The following SESTD1 variants were observed in gnomAD, a reference collection of about 807,000 sequenced individuals.
SESTD1 encodes SEC14 and spectrin domain containing 1.
A neutral mutation model predicts 101.7 loss-of-function variants in SESTD1; 43 were observed. The observed-to-expected ratio is 0.42, with a 90% CI of 0.33 to 0.55. The LOEUF is 0.55. Among genes scored for constraint, SESTD1 ranks in the 20% least tolerant of loss-of-function variants. The probability of loss-of-function intolerance (pLI) is 0.07; values close to 1 mark genes in which losing one functional copy is unlikely to be tolerated. For missense variants in SESTD1, 647 were observed against 815.1 expected (o/e 0.79, Z 2.51); for synonymous variants, 283 against 286.8 (o/e 0.99, Z 0.13).
intron 1 of SESTD1, among the ~76,000 whole-genome samples, chr2:179,251,803 T>C (rs1275394378): frequency 1.3e-5 from 2 of 152,158 alleles, no homozygotes; most frequent in African/African-American, 4.8e-5. Context: ...AGCAAGAAGA[T>C]GGTCAACTAC....
In SESTD1 at chr2:179,206,311, C is replaced by T. The variant is rs756780485; in HGVS notation, c.-25-14445G>A. On this transcript the variant is annotated intron_variant, in intron 1 of 17. Transcript: ENST00000428443. ...GCTTGCTGCTGCAAACACCACAAAACAGCTAAAAAACTGTGAATCAATGAA... is the reference window on the plus strand; with the variant it reads ...GCTTGCTGCTGCAAACACCACAAAATAGCTAAAAAACTGTGAATCAATGAA... Among the ~76,000 whole-genome samples, 13 of 134,518 alleles carry T rather than the reference C, an allele frequency of 9.7e-5. 4 individuals carry two copies. Among genetic ancestry groups the T allele is most frequent in the South Asian group, 5.6e-4 (2 of 3,550 alleles). 88.2% of individuals were successfully genotyped at this position (134,518 alleles called of 152,430 possible). A position where few individuals can be genotyped will look rare whatever the true frequency, so the allele number is the denominator to read the frequency against.
chr2:179,123,918 T>C, intron 11 of SESTD1, 89 bp from the exon 12 acceptor site: 1 of 907,670 alleles, frequency 1.1e-6, no homozygotes, highest in East Asian at 2.5e-5. Flanking sequence ...CTAATGAGGT[T>C]ATCACAATTA....
intron 5 of SESTD1, among the ~76,000 whole-genome samples, chr2:179,168,515 G>A (rs2105470551): frequency 6.6e-6 from 1 of 151,796 alleles, no homozygotes; most frequent in African/African-American, 2.4e-5. Context: ...CATGATTAAA[G>A]TGCTGAAAGA....
rs7599091 is a variant in SESTD1 at position 179,120,287 on chromosome 2, C to T, written c.1442+1483G>A. On this transcript the variant is annotated intron_variant, in intron 13 of 17. Transcript: ENST00000428443. Reference sequence around the variant, plus strand: ...TCTCAGGTAGTTTTTTATAGCAATGCAAGAATGGACTAATACACTAGATTT... The same window carrying T: ...TCTCAGGTAGTTTTTTATAGCAATGTAAGAATGGACTAATACACTAGATTT... 5.3e-3 allele frequency among the ~76,000 whole-genome samples: 809 copies of T among 151,996 alleles called. 8 individuals are homozygous for T. The highest frequency in any genetic ancestry group is 0.018 in the African/African-American group (763 of 41,458).
chr2:179,194,346 AT>A (rs954473863), intron 1 of SESTD1, among the ~76,000 whole-genome samples: 3 of 152,064 alleles, frequency 2.0e-5, no homozygotes, highest in Non-Finnish European at 4.4e-5. Flanking sequence ...GCAAATGGGG[AT>A]CTAGGAACCA....
chr2:179,232,721 T>C (rs1173519028), intron 1 of SESTD1, among the ~76,000 whole-genome samples: 4 of 152,174 alleles, frequency 2.6e-5, no homozygotes, highest in Non-Finnish European at 4.4e-5. Flanking sequence ...TTATAAAATA[T>C]AGATATCCAG....
chr2:179,261,283 A>C (rs1281219894), intron 1 of SESTD1, among the ~76,000 whole-genome samples: 1 of 152,028 alleles, frequency 6.6e-6, no homozygotes, highest in Non-Finnish European at 1.5e-5. Context: ...GATTTTTTTT[A>C]TTTTTCCCTC....
At chr2:179,146,710 CATA>C (rs1393135571) in intron 7 of SESTD1, among the ~76,000 whole-genome samples, 4 of 152,036 alleles carry the variant, frequency 2.6e-5, no homozygotes, top group Non-Finnish European at 1.5e-5. Flanking sequence ...TGTTTTTAGT[CATA>C]ATATTATTTC....
At chr2:179,234,058 CT>C (rs2047024667) in intron 1 of SESTD1, among the ~76,000 whole-genome samples, 1 of 152,130 alleles carries the variant, frequency 6.6e-6, no homozygotes, top group African/African-American at 2.4e-5. Context: ...TCAGTTTGCC[CT>C]CCGTAATGCA....
At chr2:179,116,944 C>A (rs2044646494) in intron 14 of SESTD1, among the ~76,000 whole-genome samples, 154 bp from the exon 15 acceptor site, 1 of 152,054 alleles carries the variant, frequency 6.6e-6, no homozygotes, top group South Asian at 2.1e-4. Context: ...TGATAAGCTA[C>A]ATGAATTAAT....
At chr2:179,195,344 T>C (rs1396206415) in intron 1 of SESTD1, among the ~76,000 whole-genome samples, 3 of 152,180 alleles carry the variant, frequency 2.0e-5, no homozygotes, top group Non-Finnish European at 4.4e-5. Context: ...CCTCCTTACT[T>C]CTCTCTCCTG....
intron 1 of SESTD1, among the ~76,000 whole-genome samples, chr2:179,194,305 C>A (rs2046359145): frequency 6.6e-6 from 1 of 152,094 alleles, no homozygotes; most frequent in Non-Finnish European, 1.5e-5. Flanking sequence ...TCATTTTGGC[C>A]TCAGAAAAAG....
At chr2:179,212,579 C>G (rs1170347412) in intron 1 of SESTD1, among the ~76,000 whole-genome samples, 1 of 136,242 alleles carries the variant, frequency 7.3e-6, no homozygotes, top group Non-Finnish European at 1.6e-5. Context: ...GAACAAGAGG[C>G]AGCAGACAAC....
chr2:179,146,758 A>C (rs1167404252), intron 7 of SESTD1, among the ~76,000 whole-genome samples: 1 of 152,228 alleles, frequency 6.6e-6, no homozygotes, highest in Non-Finnish European at 1.5e-5. Flanking sequence ...GTATTTATCC[A>C]ATGAGTATTT....
At chr2:179,125,903 G>GT (rs1393624688) in intron 10 of SESTD1, among the ~76,000 whole-genome samples, 3 of 152,118 alleles carry the variant, frequency 2.0e-5, no homozygotes, top group Non-Finnish European at 4.4e-5. Context: ...CCTCAGAGCT[G>GT]TAATAATCAG....
intron 1 of SESTD1, among the ~76,000 whole-genome samples, chr2:179,201,403 C>G (rs2046509639): frequency 7.8e-6 from 1 of 127,792 alleles, no homozygotes; most frequent in Admixed American, 7.5e-5. Context: ...TACCATTTGA[C>G]CCAGCCATCC....
intron 1 of SESTD1, among the ~76,000 whole-genome samples, chr2:179,261,642 T>A (rs1000486648): frequency 1.3e-5 from 2 of 151,986 alleles, no homozygotes; most frequent in South Asian, 4.2e-4. Flanking sequence ...CATTAACAAG[T>A]GTTGGCAAGG....
chr2:179,178,027 T>C (rs150082815), intron 3 of SESTD1, among the ~76,000 whole-genome samples: 2 of 152,248 alleles, frequency 1.3e-5, no homozygotes, highest in East Asian at 3.9e-4. Flanking sequence ...AGATTAGTGG[T>C]TGACAAGGGT....
At chr2:179,143,164 TATAAAAA>T (rs2045317093) in intron 9 of SESTD1, among the ~76,000 whole-genome samples, 1 of 152,128 alleles carries the variant, frequency 6.6e-6, no homozygotes, top group African/African-American at 2.4e-5. Flanking sequence ...CTATCAATAT[TATAAAAA>T]ATTTGATATT....
Sources: gnomAD v4.1 joint callset for allele counts (sites outside exome capture counted in the v4.1 genomes callset) on GRCh38, gnomAD v4.1.1 for gene constraint, MANE v1.5 for transcripts, NCBI Gene and HGNC (gene_info 2026-07-23, HGNC 2026-07-21) for gene names.